The following NAV2 variants were observed in gnomAD, a reference collection of about 807,000 sequenced individuals.
The protein encoded by NAV2 is neuron navigator 2.
A neutral mutation model predicts 223.2 loss-of-function variants in NAV2; 54 were observed. The ratio of observed to expected loss-of-function variants is 0.24; its 90% CI spans 0.19 to 0.30. NAV2 has a LOEUF of 0.30. Among genes scored for constraint, NAV2 ranks in the 10% least tolerant of loss-of-function variants. NAV2 has a pLI of 1.00. For missense variants in NAV2, 2,806 were observed against 3,147.5 expected, an observed-to-expected ratio of 0.89 and a Z score of 2.60; for synonymous variants, 1,279 against 1,239.3, an observed-to-expected ratio of 1.03 and a Z score of -0.67.
At chr11:19,741,971 G>A (rs1379432133) in intron 1 of NAV2, among the ~76,000 whole-genome samples, 1 of 151,486 alleles carries the variant, frequency 6.6e-6, no homozygotes, top group Non-Finnish European at 1.5e-5. Flanking sequence ...ACAGTGTTCA[G>A]GGGTTACCTT....
intron 12 of NAV2, among the ~76,000 whole-genome samples, chr11:20,042,766 T>G (rs943225593): frequency 6.6e-6 from 1 of 152,172 alleles, no homozygotes; most frequent in Non-Finnish European, 1.5e-5. Context: ...ATTGCAAATA[T>G]GGGACTGGTA....
intron 1 of NAV2, among the ~76,000 whole-genome samples, chr11:19,396,279 C>T (rs1335975260): frequency 6.6e-6 from 1 of 152,132 alleles, no homozygotes; most frequent in African/African-American, 2.4e-5. Context: ...GCTGTCTATA[C>T]TATTATCCAA....
chr11:20,053,807 G>A (rs1349810539), intron 17 of NAV2, among the ~76,000 whole-genome samples: 2 of 152,100 alleles, frequency 1.3e-5, no homozygotes, highest in Non-Finnish European at 2.9e-5. Flanking sequence ...TTACAGATAC[G>A]CCCAGTGACG....
At chr11:19,804,743 T>C (rs1323177424) in intron 1 of NAV2, among the ~76,000 whole-genome samples, 1 of 152,226 alleles carries the variant, frequency 6.6e-6, no homozygotes, top group Non-Finnish European at 1.5e-5. Flanking sequence ...ATAATGATCA[T>C]AGATCCTGCT....
At chr11:19,947,396 T>C (rs901304346) in intron 9 of NAV2, among the ~76,000 whole-genome samples, 4 of 152,202 alleles carry the variant, frequency 2.6e-5, no homozygotes, top group Non-Finnish European at 4.4e-5. Context: ...ACTCGGGGGT[T>C]TGGGGGTGGT....
chr11:19,827,393 G>C (rs1008140020), intron 1 of NAV2, among the ~76,000 whole-genome samples: 4 of 152,174 alleles, frequency 2.6e-5, no homozygotes, highest in Non-Finnish European at 4.4e-5. Context: ...TACCTGTCCC[G>C]AGGTTGTTGA....
chr11:19,651,849 A>G (rs1275413313), intron 1 of NAV2, among the ~76,000 whole-genome samples: 2 of 152,214 alleles, frequency 1.3e-5, no homozygotes, highest in Non-Finnish European at 2.9e-5. Flanking sequence ...TAGCAAAGAC[A>G]GGGCAGATGG....
At chr11:19,641,559 A>C (rs2047666193) in intron 1 of NAV2, among the ~76,000 whole-genome samples, 1 of 151,802 alleles carries the variant, frequency 6.6e-6, no homozygotes, top group African/African-American at 2.4e-5. Context: ...TCTGAGTCTG[A>C]CTGTACAATC....
At chr11:19,633,124 G>A (rs934239420) in intron 1 of NAV2, among the ~76,000 whole-genome samples, 9 of 152,008 alleles carry the variant, frequency 5.9e-5, no homozygotes, top group Non-Finnish European at 1.3e-4. Context: ...AGAAGACAGC[G>A]ACCACTGAGA....
chr11:20,024,146 C>T (rs1412375276), intron 11 of NAV2, among the ~76,000 whole-genome samples: 3 of 152,126 alleles, frequency 2.0e-5, no homozygotes, highest in African/African-American at 7.2e-5. Flanking sequence ...GAAGGGCGTA[C>T]TTTGTTGTGG....
At chr11:19,869,869 G>A (rs1590981621) in intron 4 of NAV2, among the ~76,000 whole-genome samples, 1 of 152,200 alleles carries the variant, frequency 6.6e-6, no homozygotes, top group Non-Finnish European at 1.5e-5. Flanking sequence ...GCCAAATTGA[G>A]CAGGTAAGTT....
At chr11:20,022,489 G>C (rs145498607) in intron 11 of NAV2, 1 of 939,442 alleles carries the variant, frequency 1.1e-6, no homozygotes, top group African/African-American at 1.8e-5. Flanking sequence ...TAATGTATGT[G>C]TGTCGTTGTT....
intron 1 of NAV2, among the ~76,000 whole-genome samples, chr11:19,518,958 GGAAAC>G (rs2043554164): frequency 6.6e-6 from 1 of 152,148 alleles, no homozygotes; most frequent in Middle Eastern, 3.2e-3. Context: ...TGCTGTGTAA[GGAAAC>G]GAAACAATGA....
chr11:19,684,769 G>C (rs1294679487), intron 1 of NAV2, among the ~76,000 whole-genome samples: 1 of 152,132 alleles, frequency 6.6e-6, no homozygotes, highest in Non-Finnish European at 1.5e-5. Flanking sequence ...CGGGATGATT[G>C]ACTATGGGAA....
At chr11:19,391,421 C>T (rs1011874131) in intron 1 of NAV2, among the ~76,000 whole-genome samples, 10 of 152,220 alleles carry the variant, frequency 6.6e-5, no homozygotes, top group Admixed American at 2.6e-4. Flanking sequence ...ACTTCATCAT[C>T]ACCCTCGAGT....
intron 1 of NAV2, among the ~76,000 whole-genome samples, chr11:19,520,604 C>G (rs2043618343): frequency 6.6e-6 from 1 of 152,212 alleles, no homozygotes; most frequent in African/African-American, 2.4e-5. Flanking sequence ...CTCCTTCCTC[C>G]TTTCCCATCC....
intron 1 of NAV2, among the ~76,000 whole-genome samples, chr11:19,818,231 ATTTTTTTTTTTTTTT>A (rs34649376): frequency 0.023 from 1,294 of 56,114 alleles, 34 homozygotes; most frequent in Middle Eastern, 0.16. Context: ...GTATTTAGTG[ATTTTTTTTTTTTTTT>A]TTTTTTTTTT....
chr11:19,694,130 G>A (rs2049260891), intron 1 of NAV2, among the ~76,000 whole-genome samples: 1 of 152,190 alleles, frequency 6.6e-6, no homozygotes, highest in Non-Finnish European at 1.5e-5. Flanking sequence ...GAGGATTTGT[G>A]ACTTATTGAA....
At chr11:19,950,823 T>C (rs149989548) in intron 10 of NAV2, among the ~76,000 whole-genome samples, 93 of 152,278 alleles carry the variant, frequency 6.1e-4, no homozygotes, top group African/African-American at 2.0e-3. Context: ...CCCAAAGATA[T>C]AGGGGAGATT....
Sources: gnomAD v4.1 joint callset for allele counts (sites outside exome capture counted in the v4.1 genomes callset) on GRCh38, gnomAD v4.1.1 for gene constraint, MANE v1.5 for transcripts, NCBI Gene and HGNC (gene_info 2026-07-23, HGNC 2026-07-21) for gene names.